The following BMERB1 variants were observed in gnomAD, a reference collection of about 807,000 sequenced individuals.
BMERB1 encodes the protein bMERB domain-containing protein 1.
In BMERB1, 12 loss-of-function variants were observed where a neutral mutation model predicts 23.6. That is an observed-to-expected ratio of 0.51 (90% CI 0.33 to 0.82). The LOEUF (loss-of-function observed/expected upper bound fraction) is 0.82, where lower values mean the gene tolerates loss of function less well. Ranked by LOEUF, BMERB1 falls within the 40% of genes least tolerant of loss-of-function variation. The probability of loss-of-function intolerance (pLI) is 0.03; values close to 1 mark genes in which losing one functional copy is unlikely to be tolerated. For missense variants in BMERB1, 247 were observed against 255.4 expected (o/e 0.97, Z 0.22); for synonymous variants, 122 against 96.6 (o/e 1.26, Z -1.54).
chr16:15,578,396 T>C (rs2030925653), intron 3 of BMERB1, among the ~76,000 whole-genome samples: 1 of 152,024 alleles, frequency 6.6e-6, no homozygotes, highest in Non-Finnish European at 1.5e-5. Context: ...CACAAGTCAT[T>C]GGGTTTAGGG....
At chr16:15,485,548 A>C (rs1467205615) in intron 1 of BMERB1, among the ~76,000 whole-genome samples, 1 of 152,116 alleles carries the variant, frequency 6.6e-6, no homozygotes, top group East Asian at 1.9e-4. Context: ...GAGAAATGGG[A>C]CTTAGGAAAT....
chr16:15,567,169 C>G (rs1011482510), intron 2 of BMERB1, among the ~76,000 whole-genome samples: 1 of 151,736 alleles, frequency 6.6e-6, no homozygotes, highest in Admixed American at 6.6e-5. Context: ...CCATCCTGGG[C>G]AACAGAGCGA....
At chr16:15,516,491 T>A (rs1381298013) in intron 2 of BMERB1, among the ~76,000 whole-genome samples, 1 of 152,184 alleles carries the variant, frequency 6.6e-6, no homozygotes, top group Non-Finnish European at 1.5e-5. Context: ...TTTTAAAAAT[T>A]GGGCTTTTGC....
At chr16:15,534,329 G>A (rs191669811) in intron 2 of BMERB1, among the ~76,000 whole-genome samples, 6 of 148,634 alleles carry the variant, frequency 4.0e-5, no homozygotes, top group South Asian at 2.1e-4. Flanking sequence ...AAGGCCAGGC[G>A]CGGTGGCTCA....
intron 1 of BMERB1, among the ~76,000 whole-genome samples, chr16:15,473,479 G>A (rs766564425): frequency 2.0e-5 from 3 of 150,816 alleles, no homozygotes; most frequent in Non-Finnish European, 3.0e-5. Context: ...TTTTAGTAGC[G>A]ATGGGGTTTC....
At chr16:15,489,875 C>CTT (rs899242036) in intron 1 of BMERB1, among the ~76,000 whole-genome samples, 1 of 151,414 alleles carries the variant, frequency 6.6e-6, no homozygotes, top group East Asian at 1.9e-4. Context: ...GATCCAATAT[C>CTT]TTTTTTTTTG....
intron 3 of BMERB1, among the ~76,000 whole-genome samples, chr16:15,573,402 T>A (rs1439332273): frequency 6.6e-6 from 1 of 152,112 alleles, no homozygotes; most frequent in East Asian, 1.9e-4. Context: ...CATTCCAGGA[T>A]CAGAGTTTTT....
chr16:15,440,273 A>G (rs2050928712), intron 1 of BMERB1, among the ~76,000 whole-genome samples: 1 of 148,102 alleles, frequency 6.8e-6, no homozygotes, highest in Non-Finnish European at 1.5e-5. Flanking sequence ...AAAAAAAATC[A>G]ACACAGACAT....
intron 2 of BMERB1, among the ~76,000 whole-genome samples, chr16:15,530,903 CTTT>C (rs1220558728): frequency 6.4e-5 from 7 of 109,222 alleles, no homozygotes; most frequent in African/African-American, 2.1e-4. Context: ...TTTCTTCTTT[CTTT>C]TTTTTTTTTT....
chr16:15,549,056 C>T (rs2030005086), intron 2 of BMERB1, among the ~76,000 whole-genome samples: 1 of 152,014 alleles, frequency 6.6e-6, no homozygotes, highest in Admixed American at 6.6e-5. Context: ...GGAATGACTG[C>T]GGCCGGATGT....
At position 15,586,742 on chromosome 16, in the gene BMERB1, G is replaced by A. The variant is rs778394779; in HGVS notation, c.528G>A (p.Glu176=). ...PASSRAEKKA[E]PPPSKPTVAK... is the part of the protein sequence containing the mutation. ...GCTCCCGGGCAGAGAAGAAAGCAGA[G>A]CCCCCACCTAGCAAGCCCACGGTGG... is the stretch of plus-strand genomic sequence containing the variant. Residue 176 remains glutamate (E), a synonymous_variant, in exon 6 of 6, where the codon GAG becomes GAA. Transcript: ENST00000300006. 2.5e-6 allele frequency: 4 copies of A among 1,611,722 alleles called. No individual in the cohort carries two copies. The South Asian group carries it at 3.3e-5, about 13-fold the overall frequency.
At position 15,474,172 on chromosome 16, in the gene BMERB1, CT is replaced by C. The variant is rs891767030; in HGVS notation, c.106+39423del. 2.9e-3 allele frequency among the ~76,000 whole-genome samples: 399 copies of C among 137,506 alleles called. 4 individuals are homozygous for C. Among genetic ancestry groups the C allele is most frequent in the South Asian group, 8.8e-3 (38 of 4,294 alleles). The allele number at this position is 137,506 out of a possible 152,430, so 90.2% of individuals were successfully genotyped here. ...CTTTCTGAATCCATTCAAGATTTTT[CT>C]TTTTTTTTTGTCAGAGTTTAAGGAC... is the stretch of plus-strand genomic sequence containing the variant. On this transcript the variant is annotated intron_variant, in intron 1 of 5. Transcript: ENST00000300006.
intron 1 of BMERB1, among the ~76,000 whole-genome samples, chr16:15,462,942 G>A (rs927667271): frequency 1.4e-4 from 21 of 152,072 alleles, no homozygotes; most frequent in Admixed American, 8.5e-4. Flanking sequence ...GAGTCCTCCC[G>A]CAAATGAATC....
chr16:15,440,615 T>C (rs949764595), intron 1 of BMERB1, among the ~76,000 whole-genome samples: 5 of 152,174 alleles, frequency 3.3e-5, no homozygotes, highest in African/African-American at 1.2e-4. Context: ...ACATGTACTT[T>C]ATAAAAAATT....
intron 1 of BMERB1, among the ~76,000 whole-genome samples, chr16:15,499,582 C>T (rs1162893751): frequency 2.0e-5 from 3 of 152,064 alleles, no homozygotes; most frequent in African/African-American, 4.8e-5. Context: ...TTGTGGTTCA[C>T]GAGAGGGGAA....
At chr16:15,534,204 C>A (rs1011981648) in intron 2 of BMERB1, among the ~76,000 whole-genome samples, 3 of 149,732 alleles carry the variant, frequency 2.0e-5, no homozygotes, top group African/African-American at 7.4e-5. Flanking sequence ...CGTCTCCTGG[C>A]TCACCATGTA....
At chr16:15,537,948 C>G (rs1046023260) in intron 2 of BMERB1, among the ~76,000 whole-genome samples, 3 of 152,136 alleles carry the variant, frequency 2.0e-5, no homozygotes, top group African/African-American at 7.2e-5. Context: ...CATGAGCCAC[C>G]GTGCGTGGCT....
intron 1 of BMERB1, among the ~76,000 whole-genome samples, chr16:15,491,713 G>T (rs2051422244): frequency 6.6e-6 from 1 of 152,032 alleles, no homozygotes; most frequent in South Asian, 2.1e-4. Flanking sequence ...TGCACTCGTG[G>T]ATCCTCTATC....
chr16:15,576,643 CT>C (rs1165250033), intron 3 of BMERB1, among the ~76,000 whole-genome samples: 1 of 152,118 alleles, frequency 6.6e-6, no homozygotes, highest in Non-Finnish European at 1.5e-5. Context: ...GATGTATTCT[CT>C]TTCGGTTCTG....
Sources: allele counts gnomAD v4.1 joint callset (sites outside exome capture counted in the v4.1 genomes callset), GRCh38; gene constraint gnomAD v4.1.1; transcripts MANE v1.5; gene names NCBI Gene and HGNC (gene_info 2026-07-23, HGNC 2026-07-21).